SEMA4A: variants seen among roughly 807,000 people sequenced by gnomAD.
The protein encoded by SEMA4A is semaphorin-4A.
Under a neutral mutation model 72.5 loss-of-function variants are expected in SEMA4A, and 52 were observed. The observed-to-expected ratio is 0.72, with a 90% confidence interval of 0.57 to 0.90. SEMA4A has a LOEUF of 0.90. SEMA4A is among the 40% of genes least tolerant of loss of function. The pLI is 0.00. For synonymous variants in SEMA4A, 369 were observed against 393.1 expected (o/e 0.94, Z 0.73); for missense variants, 926 against 959.7 (o/e 0.96, Z 0.46).
intron 10 of SEMA4A, 67 bp downstream of exon 10, chr1:156,163,161 A>C: frequency 1.3e-6 from 2 of 1,567,508 alleles, no homozygotes; most frequent in Non-Finnish European, 1.8e-6. Context: ...AACACCTATC[A>C]TGGCATAGTA....
At chr1:156,160,353 TG>T in intron 6 of SEMA4A, 89 bp from the exon 7 acceptor site, 1 of 1,013,976 alleles carries the variant, frequency 9.9e-7, no homozygotes, top group Non-Finnish European at 1.6e-6. Context: ...GAGACTGATA[TG>T]GATGCCAGCC....
In SEMA4A at chr1:156,160,898, C is replaced by T; in HGVS notation, c.686-7C>T. ...AGTCCCTAAGCCCATCTGCCCCTCC[C>T]CCGCAGATGACGCCTCCTTTGTGGC... On this transcript the variant is annotated splice_region_variant and splice_polypyrimidine_tract_variant and intron_variant, in intron 7 of 14. Coordinates refer to ENST00000368285, the MANE Select transcript of SEMA4A (RefSeq NM_022367.4). 1 of 1,613,710 alleles carries T rather than the reference C, an allele frequency of 6.2e-7. No homozygotes were observed. Among genetic ancestry groups the T allele is most frequent in the Non-Finnish European group, 8.5e-7 (1 of 1,179,940 alleles).
chr1:156,176,776 G>C lies in SEMA4A; in HGVS notation c.2065G>C (p.Val689Leu). The C allele has an allele frequency of 2.5e-6, 4 of 1,613,108 alleles. No individual in the cohort carries two copies. The highest frequency in any genetic ancestry group is 3.4e-6 in the Non-Finnish European group (4 of 1,179,122). ...SYWPHFVTVT[V>L]LFALVLSGAL... ...CTGGCCCCACTTTGTCACTGTCACT[G>C]TCCTCTTTGCCTTAGTGCTTTCAGG... Residue 689 changes from valine (V) to leucine (L), a missense_variant, in exon 15 of 15, where the codon GTC becomes CTC. Coordinates refer to ENST00000368285, the MANE Select transcript of SEMA4A (RefSeq NM_022367.4).
Position 156,156,485 on chromosome 1 carries a change from GGT to G in SEMA4A, c.213_214del (p.Asp72TrpfsTer35). The part of the protein sequence containing the change: ...LQDFDTLLLS[G>X]DGNTLYVGAR... Reference sequence around the variant, plus strand: ...GGATTTTGACACTCTGCTCCTGAGTGGTGATGGAAATACTCTCTACGTGGGGG... The same window carrying G: ...GGATTTTGACACTCTGCTCCTGAGTGGATGGAAATACTCTCTACGTGGGGG... On this transcript the variant is annotated frameshift_variant, in exon 3 of 15. Coordinates refer to ENST00000368285, the MANE Select transcript of SEMA4A (RefSeq NM_022367.4). LOFTEE classifies it high-confidence loss of function. 1 of 1,614,114 alleles carries G rather than the reference GGT, an allele frequency of 6.2e-7. No homozygotes were observed. The highest frequency in any genetic ancestry group is 1.1e-5 in the South Asian group (1 of 91,082).
At chr1:156,171,081 C>CTGT (rs1654730221) in intron 10 of SEMA4A, among the ~76,000 whole-genome samples, 2 of 152,098 alleles carry the variant, frequency 1.3e-5, no homozygotes, top group African/African-American at 4.8e-5. Context: ...AACAAAAAAA[C>CTGT]CCTTTGGGAG....
chr1:156,160,757 C>T, intron 7 of SEMA4A, 148 bp from the exon 8 acceptor site: 1 of 1,203,972 alleles, frequency 8.3e-7, no homozygotes, highest in South Asian at 1.2e-5. Context: ...CAGTCATCCC[C>T]ACCCCACATC....
intron 11 of SEMA4A, 102 bp downstream of exon 11, chr1:156,173,108 A>G (rs2103002308): frequency 2.5e-6 from 3 of 1,189,482 alleles, no homozygotes; most frequent in East Asian, 2.5e-5. Flanking sequence ...TCATTCAACA[A>G]CTGTTTACTG....
At chr1:156,161,281 G>A (rs1248217939) in intron 8 of SEMA4A, 65 bp from the exon 9 acceptor site, 2 of 1,100,580 alleles carry the variant, frequency 1.8e-6, no homozygotes, top group Non-Finnish European at 2.5e-6. Flanking sequence ...GGGGGGCGGG[G>A]AGGACACGCG....
chr1:156,159,116 G>A, intron 6 of SEMA4A: 1 of 426,382 alleles, frequency 2.3e-6, no homozygotes, highest in South Asian at 2.2e-5. Flanking sequence ...GGTGGATCAT[G>A]TGACCCCAGG....
chr1:156,160,095 G>A (rs1207957928), intron 6 of SEMA4A, among the ~76,000 whole-genome samples: 1 of 152,084 alleles, frequency 6.6e-6, no homozygotes, highest in Non-Finnish European at 1.5e-5. Flanking sequence ...GAGAAGGGTA[G>A]GACCCAAGGT....
chr1:156,154,451 A>G (rs1558144800), intron 1 of SEMA4A, 99 bp from the exon 2 acceptor site: 7 of 1,125,362 alleles, frequency 6.2e-6, no homozygotes, highest in African/African-American at 3.1e-5. Context: ...CCTGCCACCA[A>G]TACACACGCT....
chr1:156,162,995 C>A lies in SEMA4A; in HGVS notation c.1035C>A (p.Asp345Glu). 1.9e-6 allele frequency: 3 copies of A among 1,614,152 alleles called. No homozygotes were observed. Among genetic ancestry groups the A allele is most frequent in the East Asian group, 2.2e-5 (1 of 44,886 alleles). Residue 345 changes from aspartate to glutamate, a missense_variant, in exon 10 of 15, where the codon GAC becomes GAA. Physicochemically the swap from Asp to Glu is conservative, Grantham distance 45. Coordinates refer to ENST00000368285, the MANE Select transcript of SEMA4A (RefSeq NM_022367.4). The stretch of plus-strand genomic sequence containing the variant: ...CGGTTTGTGCCTTCTCTCTCTTGGA[C>A]ATTGAACGTGTCTTTAAGGGGAAAT... ...SSAVCAFSLL[D>E]IERVFKGKYK...
intron 6 of SEMA4A, chr1:156,159,059 C>T: frequency 1.9e-6 from 1 of 536,256 alleles, no homozygotes; most frequent in East Asian, 3.3e-5. Flanking sequence ...GCCTCAGTGC[C>T]TCATGCCTGT....
chr1:156,176,966 A>T lies in SEMA4A; in HGVS notation c.2255A>T (p.Asp752Val). 6.2e-7 allele frequency: 1 copy of T among 1,612,586 alleles called. No individual in the cohort carries two copies. The highest frequency in any genetic ancestry group is 1.1e-5 in the South Asian group (1 of 91,082). The change falls in exon 15 of 15, where the codon GAC becomes GTC. Residue 752 changes from aspartate (D) to valine (V), a missense_variant. Asp to Val is a radical substitution (Grantham distance 152, BLOSUM62 -3). Coordinates refer to ENST00000368285, the MANE Select transcript of SEMA4A (RefSeq NM_022367.4). ...CRTSASDVDA[D>V]NNCLGTEVA ...ACCTCTGCCAGTGATGTGGACGCTG[A>T]CAACAACTGCCTAGGCACTGAGGTA...
chr1:156,161,126 G>A, intron 8 of SEMA4A, 97 bp downstream of exon 8: 1 of 1,378,800 alleles, frequency 7.3e-7, no homozygotes. Context: ...TGAGAGCGGG[G>A]GAGCGGGGCG....
intron 10 of SEMA4A, among the ~76,000 whole-genome samples, chr1:156,171,451 G>A (rs751377102): frequency 5.9e-5 from 9 of 152,196 alleles, no homozygotes; most frequent in African/African-American, 1.4e-4. Flanking sequence ...GAAATGCTCC[G>A]TGCTACACCA....
Position 156,161,309 on chromosome 1 carries a change from C to CGGGGGGT in SEMA4A, c.811-36_811-35insGGGGGTG, listed in dbSNP as rs369357654. 7.7e-6 allele frequency: 10 copies of CGGGGGGT among 1,302,360 alleles called. 1 individual carries two copies. The highest frequency in any genetic ancestry group is 9.3e-6 in the Non-Finnish European group (9 of 964,798). The allele number at this position is 1,302,360 out of a possible 1,614,324, so 80.7% of individuals were successfully genotyped here. Reference sequence around the variant, plus strand: ...GACACGCGGGGCTGGGGGGTCGGGGCGCCCGGGGCGCCCCCTGACTCCCCC... The same window carrying CGGGGGGT: ...GACACGCGGGGCTGGGGGGTCGGGGCGGGGGGTGCCCGGGGCGCCCCCTGACTCCCCC... On this transcript the variant is annotated intron_variant, in intron 8 of 14. Coordinates refer to ENST00000368285, the MANE Select transcript of SEMA4A (RefSeq NM_022367.4).
chr1:156,158,617 A>G, intron 5 of SEMA4A, 102 bp from the exon 6 acceptor site: 1 of 1,312,560 alleles, frequency 7.6e-7, no homozygotes, highest in Non-Finnish European at 1.1e-6. Flanking sequence ...CTGGCCCCAG[A>G]CCAATTTCCC....
intron 10 of SEMA4A, among the ~76,000 whole-genome samples, chr1:156,165,302 T>C (rs1314657922): frequency 6.6e-6 from 1 of 152,194 alleles, no homozygotes; most frequent in East Asian, 1.9e-4. Context: ...GGATTCCCTT[T>C]GCCTCTTTCC....
Sources: gnomAD v4.1 joint callset for allele counts (sites outside exome capture counted in the v4.1 genomes callset) on GRCh38, gnomAD v4.1.1 for gene constraint, MANE v1.5 for transcripts, NCBI Gene and HGNC (gene_info 2026-07-23, HGNC 2026-07-21) for gene names.